Variants in MAPK13 observed in about 807,000 individuals in gnomAD.
MAPK13 encodes mitogen-activated protein kinase 13.
MAPK13 carries 39 observed loss-of-function variants against 53.5 expected under a neutral mutation model. That is an observed-to-expected ratio of 0.73 (90% CI 0.56 to 0.95). The LOEUF is 0.95. Among genes scored for constraint, MAPK13 ranks in the 40% least tolerant of loss-of-function variants. The pLI is 0.00. For synonymous variants in MAPK13, 179 were observed against 190.9 expected, an observed-to-expected ratio of 0.94 and a Z score of 0.51; for missense variants, 460 against 471.8, an observed-to-expected ratio of 0.98 and a Z score of 0.23.
chr6:36,137,312 G>A (rs1446880242), intron 8 of MAPK13, among the ~76,000 whole-genome samples: 5 of 152,136 alleles, frequency 3.3e-5, no homozygotes, highest in South Asian at 2.1e-4. Flanking sequence ...TCAGGAGATC[G>A]AGACCATCCT....
chr6:36,141,428 C>G lies in MAPK13; in HGVS notation c.*2055C>G, dbSNP rs1028307412. 1.3e-5 allele frequency: 2 copies of G among 152,144 alleles called. No individual in the cohort carries two copies. Among genetic ancestry groups the G allele is most frequent in the Non-Finnish European group, 2.9e-5 (2 of 68,042 alleles). The allele number at this position is 152,144 out of a possible 1,614,324, so 9.4% of individuals were successfully genotyped here. The stretch of plus-strand genomic sequence containing the variant: ...GTAGCTCACGCCTGTAATCCCAGCA[C>G]CTTGGGAGGCTGAGGTGGGCGGATC... On this transcript the variant is annotated 3_prime_UTR_variant, in exon 12 of 12. Transcript: ENST00000211287.
intron 5 of MAPK13, 42 bp from the exon 6 acceptor site, chr6:36,136,442 T>C (rs753298995): frequency 3.3e-6 from 5 of 1,524,494 alleles, no homozygotes; most frequent in Middle Eastern, 2.0e-4. Flanking sequence ...ACAAGCTCCA[T>C]CTCTGCCTCA....
intron 8 of MAPK13, among the ~76,000 whole-genome samples, chr6:36,137,359 C>T (rs958694712): frequency 4.6e-5 from 7 of 151,856 alleles, no homozygotes; most frequent in African/African-American, 7.3e-5. Flanking sequence ...ACTAAAAATA[C>T]AAAAAATTAG....
At position 36,140,725 on chromosome 6, in the gene MAPK13, T is replaced by A. The variant is rs1035037780; in HGVS notation, c.*1352T>A. The A allele has an allele frequency of 6.6e-6, 1 of 152,622 alleles. No homozygotes were observed. Among genetic ancestry groups the A allele is most frequent in the African/African-American group, 2.4e-5 (1 of 41,458 alleles). 9.5% of individuals were successfully genotyped at this position (152,622 alleles called of 1,614,324 possible). On this transcript the variant is annotated 3_prime_UTR_variant, in exon 12 of 12. Transcript: ENST00000211287. ...TAGGAGGAGACTGGGGGGCTTCAGA[T>A]GGAGTTTCACACTCATCTTACAGGT...
chr6:36,137,375 C>T (rs866803882), intron 8 of MAPK13, among the ~76,000 whole-genome samples: 6 of 151,950 alleles, frequency 3.9e-5, no homozygotes, highest in South Asian at 2.1e-4. Context: ...ATTAGCCAGG[C>T]GTGGTGGCAG....
At position 36,132,531 on chromosome 6, in the gene MAPK13, G is replaced by T. The variant is rs1474178244; in HGVS notation, c.250-90G>T. On this transcript the variant is annotated intron_variant, in intron 2 of 11. Transcript: ENST00000211287. The stretch of plus-strand genomic sequence containing the variant: ...GCTGGAGGTGGTGTATTAGGAAAGG[G>T]TGGATGGCCCTGTGCATGGCCAGGG... 1.4e-5 allele frequency: 16 copies of T among 1,158,266 alleles called. No individual in the cohort carries two copies. The South Asian group carries it at 1.7e-4, about 12-fold the overall frequency. 71.7% of individuals were successfully genotyped at this position (1,158,266 alleles called of 1,614,324 possible).
Position 36,136,717 on chromosome 6 carries a change from G to A in MAPK13, c.557G>A (p.Arg186His), listed in dbSNP as rs376384508. 23 of 1,613,838 alleles carry A rather than the reference G, an allele frequency of 1.4e-5. No homozygotes were observed. Among genetic ancestry groups the A allele is most frequent in the Admixed American group, 5.0e-5 (3 of 59,966 alleles). Reference sequence around the variant, plus strand: ...GAGATGACTGGCTACGTGGTGACCCGCTGGTACCGAGCCCCCGAGGTGATC... The same window carrying A: ...GAGATGACTGGCTACGTGGTGACCCACTGGTACCGAGCCCCCGAGGTGATC... The part of the protein sequence containing the change: ...DAEMTGYVVT[R>H]WYRAPEVILS... Residue 186 changes from arginine to histidine, a missense_variant, in exon 7 of 12, where the codon CGC (arginine) becomes CAC (histidine). By Grantham distance (29) the Arg-to-His change is conservative. Coordinates refer to ENST00000211287, the MANE Select transcript of MAPK13 (RefSeq NM_002754.5).
intron 3 of MAPK13, among the ~76,000 whole-genome samples, chr6:36,135,209 T>C (rs1431733276): frequency 2.0e-5 from 3 of 152,176 alleles, no homozygotes; most frequent in African/African-American, 7.2e-5. Context: ...AACAGTTACA[T>C]TTTGCTGGCC....
Position 36,143,602 on chromosome 6 carries a change from C to T in MAPK13, c.*4229C>T, listed in dbSNP as rs1334897693. ...TCCTCCCAACTCTTGGCTTTTGCTT[C>T]CTTAAATTTGAACAATTCCCTAAGA... On this transcript the variant is annotated 3_prime_UTR_variant, in exon 12 of 12. Transcript: ENST00000211287. The T allele has an allele frequency of 6.6e-6, 1 of 152,178 alleles. No individual in the cohort carries two copies. Among genetic ancestry groups the T allele is most frequent in the Non-Finnish European group, 1.5e-5 (1 of 68,048 alleles). 9.4% of individuals were successfully genotyped at this position (152,178 alleles called of 1,614,324 possible).
Position 36,139,062 on chromosome 6 carries a change from G to A in MAPK13, c.1018+7G>A, listed in dbSNP as rs1366259467. ...ACAGTGGATGAATGGAAGCGTAAGA[G>A]CTGGGGCCTCGGGCTTCCTCGCCTC... On this transcript the variant is annotated splice_region_variant and intron_variant, in intron 11 of 11. Transcript: ENST00000211287. 2 of 1,575,958 alleles carry A rather than the reference G, an allele frequency of 1.3e-6. No individual in the cohort carries two copies. Among genetic ancestry groups the A allele is most frequent in the African/African-American group, 2.7e-5 (2 of 73,148 alleles).
chr6:36,134,240 C>G (rs1214100727), intron 3 of MAPK13, among the ~76,000 whole-genome samples: 39 of 152,078 alleles, frequency 2.6e-4, no homozygotes, highest in Admixed American at 2.6e-3. Flanking sequence ...GAGAGGCCCC[C>G]AAGGGAGGTG....
Position 36,141,476 on chromosome 6 carries a change from C to T in MAPK13, c.*2103C>T, listed in dbSNP as rs1253113969. On this transcript the variant is annotated 3_prime_UTR_variant, in exon 12 of 12. Transcript: ENST00000211287. ...ATCACTTGAGGTCAGGAGTTCAAGACCAGCCTGGCCAACATGGTGAAACCC... is the reference window on the plus strand; with the variant it reads ...ATCACTTGAGGTCAGGAGTTCAAGATCAGCCTGGCCAACATGGTGAAACCC... The T allele has an allele frequency of 6.6e-6, 1 of 152,098 alleles. No homozygotes were observed. Among genetic ancestry groups the T allele is most frequent in the Non-Finnish European group, 1.5e-5 (1 of 68,034 alleles). 9.4% of individuals were successfully genotyped at this position (152,098 alleles called of 1,614,324 possible).
chr6:36,132,445 G>A (rs1473989287), intron 2 of MAPK13, among the ~76,000 whole-genome samples, 176 bp from the exon 3 acceptor site: 1 of 152,186 alleles, frequency 6.6e-6, no homozygotes, highest in Non-Finnish European at 1.5e-5. Flanking sequence ...CCAAATCCAG[G>A]GGATTCCTCT....
intron 8 of MAPK13, among the ~76,000 whole-genome samples, chr6:36,138,057 AC>A (rs1381571909): frequency 2.6e-5 from 4 of 152,130 alleles, no homozygotes; most frequent in Non-Finnish European, 5.9e-5. Flanking sequence ...TTAACTGAGT[AC>A]CTGTGTGTGC....
Position 36,139,424 on chromosome 6 carries a change from T to G in MAPK13, c.*51T>G, listed in dbSNP as rs1193352638. ...GCCAGACACTGCCCAAGGACCAGTA[T>G]TTGTCACTACCAAACTCAGCCCTTC... On this transcript the variant is annotated 3_prime_UTR_variant, in exon 12 of 12. Coordinates refer to ENST00000211287, the MANE Select transcript of MAPK13 (RefSeq NM_002754.5). The G allele has an allele frequency of 6.8e-7, 1 of 1,470,008 alleles. No homozygotes were observed. The highest frequency in any genetic ancestry group is 9.5e-7 in the Non-Finnish European group (1 of 1,049,628). The allele number at this position is 1,470,008 out of a possible 1,614,324, so 91.1% of individuals were successfully genotyped here. A position where few individuals can be genotyped will look rare whatever the true frequency, so the allele number is the denominator to read the frequency against.
Position 36,138,899 on chromosome 6 carries a change from A to C in MAPK13, c.862A>C (p.Met288Leu), listed in dbSNP as rs769087916. ...SPQAADLLEK[M>L]LELDVDKRLT... ...TGCAGCTGCGGACCTGCTGGAGAAG[A>C]TGCTGGAGCTAGACGTGGACAAGCG... The change falls in exon 11 of 12, where the codon ATG becomes CTG. Residue 288 changes from methionine to leucine, a missense_variant. Coordinates refer to ENST00000211287, the MANE Select transcript of MAPK13 (RefSeq NM_002754.5). 1.3e-5 allele frequency: 21 copies of C among 1,610,724 alleles called. No homozygotes were observed. In the Admixed American group the frequency reaches 3.5e-4, roughly 27 times the overall value.
Position 36,130,666 on chromosome 6 carries a change from G to T in MAPK13, c.84G>T (p.Pro28=), listed in dbSNP as rs768773788. ...AGCTGCCCAAGACCTACGTGTCCCC[G>T]ACGCACGTCGGCAGCGGGGCCTATG... ...AWELPKTYVS[P]THVGSGAYGS... is the part of the protein sequence containing the mutation. Residue 28 remains proline (P), a synonymous_variant, in exon 1 of 12, where the codon CCG becomes CCT. Coordinates refer to ENST00000211287, the MANE Select transcript of MAPK13 (RefSeq NM_002754.5). The surrounding 1 kb of genome is among the most constrained non-coding windows in gnomAD (Gnocchi z 4.5). 2.0e-5 allele frequency: 32 copies of T among 1,578,960 alleles called. No homozygotes were observed. In the South Asian group the frequency reaches 3.5e-4, roughly 17 times the overall value.
rs1284415614 is a variant in MAPK13 at position 36,130,702 on chromosome 6, G to A, written c.119+1G>A. On this transcript the variant is annotated splice_donor_variant, in intron 1 of 11. Coordinates refer to ENST00000211287, the MANE Select transcript of MAPK13 (RefSeq NM_002754.5). LOFTEE classifies it high-confidence loss of function. The surrounding 1 kb of genome is among the most constrained non-coding windows in gnomAD (Gnocchi z 4.5). ...GCAGCGGGGCCTATGGCTCCGTGTG[G>A]TGAGACCCCTGGGCCGCTGGGGGGC... 16 of 1,109,200 alleles carry A rather than the reference G, an allele frequency of 1.4e-5. No homozygotes were observed. The highest frequency in any genetic ancestry group is 1.9e-5 in the Non-Finnish European group (15 of 776,196). The allele number at this position is 1,109,200 out of a possible 1,614,324, so 68.7% of individuals were successfully genotyped here. A position where few individuals can be genotyped will look rare whatever the true frequency, so the allele number is the denominator to read the frequency against.
chr6:36,136,570 C>A, intron 6 of MAPK13, 39 bp downstream of exon 6: 2 of 1,591,798 alleles, frequency 1.3e-6, no homozygotes, highest in South Asian at 1.2e-5. Context: ...GCGGGATAGG[C>A]CCTCCCCCAG....
Sources: allele counts gnomAD v4.1 joint callset (sites outside exome capture counted in the v4.1 genomes callset), GRCh38; gene constraint gnomAD v4.1.1; non-coding constraint Gnocchi (gnomAD v3.1); transcripts MANE v1.5; gene names NCBI Gene and HGNC (gene_info 2026-07-23, HGNC 2026-07-21).